Variants in ATP8A1 observed in about 807,000 individuals in gnomAD.
ATP8A1 encodes phospholipid-transporting ATPase IA.
ATP8A1 carries 90 observed loss-of-function variants against 177.7 expected under a neutral mutation model. The ratio of observed to expected loss-of-function variants is 0.51; its 90% CI spans 0.43 to 0.60. ATP8A1 has a LOEUF of 0.60. ATP8A1 is among the 20% of genes least tolerant of loss of function. The pLI is 0.00. For missense variants in ATP8A1, 1,072 were observed against 1,392.8 expected (o/e 0.77, Z 3.67); for synonymous variants, 493 against 485.9 (o/e 1.01, Z -0.19).
intron 15 of ATP8A1, among the ~76,000 whole-genome samples, chr4:42,557,405 T>C (rs1730352712): frequency 6.6e-6 from 1 of 152,218 alleles, no homozygotes; most frequent in Non-Finnish European, 1.5e-5. Context: ...TATTCATAAA[T>C]GGTTTGTAGC....
intron 1 of ATP8A1, among the ~76,000 whole-genome samples, chr4:42,633,681 G>A (rs752597284): frequency 1.3e-5 from 2 of 152,170 alleles, no homozygotes; most frequent in Non-Finnish European, 2.9e-5. Flanking sequence ...TACCTCAAAG[G>A]GTGGTTGTAA....
At chr4:42,446,729 G>A in intron 30 of ATP8A1, 85 bp from the exon 31 acceptor site, 1 of 1,311,280 alleles carries the variant, frequency 7.6e-7, no homozygotes, top group African/African-American at 1.5e-5. Context: ...TTTGAACGAA[G>A]GAAGGGAAAT....
At chr4:42,574,113 G>A (rs1366168482) in intron 14 of ATP8A1, among the ~76,000 whole-genome samples, 1 of 152,044 alleles carries the variant, frequency 6.6e-6, no homozygotes, top group Admixed American at 6.5e-5. Flanking sequence ...AGTTTCTGAT[G>A]ATATTAATTA....
At chr4:42,536,192 C>T (rs1435002200) in intron 20 of ATP8A1, among the ~76,000 whole-genome samples, 5 of 152,028 alleles carry the variant, frequency 3.3e-5, no homozygotes, top group Admixed American at 6.6e-5. Context: ...TAAATAACAT[C>T]GATAGACCAT....
intron 21 of ATP8A1, among the ~76,000 whole-genome samples, chr4:42,524,084 G>T (rs1296998997): frequency 6.6e-6 from 1 of 152,086 alleles, no homozygotes; most frequent in Non-Finnish European, 1.5e-5. Context: ...ACAAATTCTT[G>T]TAGTAACTGA....
At chr4:42,634,687 G>A (rs1204184853) in intron 1 of ATP8A1, among the ~76,000 whole-genome samples, 2 of 152,268 alleles carry the variant, frequency 1.3e-5, no homozygotes, top group Non-Finnish European at 2.9e-5. Flanking sequence ...AGTTTGTGGG[G>A]ATTACATGAA....
chr4:42,540,746 G>A (rs769544461), intron 20 of ATP8A1, among the ~76,000 whole-genome samples: 1 of 151,998 alleles, frequency 6.6e-6, no homozygotes, highest in Non-Finnish European at 1.5e-5. Flanking sequence ...ATCACATAGA[G>A]GTAGAAAGTA....
At chr4:42,642,047 C>G (rs1319866039) in intron 1 of ATP8A1, among the ~76,000 whole-genome samples, 2 of 152,012 alleles carry the variant, frequency 1.3e-5, no homozygotes, top group Admixed American at 6.6e-5. Context: ...AAACTAAAGT[C>G]TTCCTGCCCA....
intron 20 of ATP8A1, among the ~76,000 whole-genome samples, chr4:42,541,528 C>T (rs181657985): frequency 2.0e-5 from 3 of 152,254 alleles, no homozygotes; most frequent in Admixed American, 6.5e-5. Flanking sequence ...TGGTATTTAC[C>T]CAAATGAGAT....
chr4:42,555,028 T>C (rs13119526), intron 16 of ATP8A1, among the ~76,000 whole-genome samples: 53,543 of 151,818 alleles, frequency 0.35, 9,683 homozygotes, highest in Non-Finnish European at 0.4. Context: ...AGTGTGCAGA[T>C]GGCCTATTGT....
chr4:42,421,003 C>T (rs1008445188), intron 35 of ATP8A1, among the ~76,000 whole-genome samples: 3 of 152,062 alleles, frequency 2.0e-5, no homozygotes, highest in East Asian at 3.9e-4. Flanking sequence ...CTCCTGACCT[C>T]GTGATCTGCC....
intron 4 of ATP8A1, among the ~76,000 whole-genome samples, chr4:42,623,117 G>A (rs745735710): frequency 6.6e-6 from 1 of 151,316 alleles, no homozygotes; most frequent in Non-Finnish European, 1.5e-5. Flanking sequence ...CCAATTATTA[G>A]AGAAATGCAA....
intron 15 of ATP8A1, among the ~76,000 whole-genome samples, chr4:42,568,234 T>C (rs1731550641): frequency 6.6e-6 from 1 of 152,222 alleles, no homozygotes; most frequent in Admixed American, 6.5e-5. Context: ...TTGTGAGATT[T>C]ACTGAAAATT....
rs1001058555 is a variant in ATP8A1 at position 42,410,722 on chromosome 4, T to C, written c.*2194A>G. The C allele has an allele frequency of 3.3e-5, 5 of 152,226 alleles. No individual in the cohort carries two copies. The highest frequency in any genetic ancestry group is 1.2e-4 in the African/African-American group (5 of 41,452). 9.4% of individuals were successfully genotyped at this position (152,226 alleles called of 1,614,324 possible). ...TTATCAACCGTAAGTATTCTTCTCATGTTTAAGAGCTCCACAGAAACAATC... is the reference window on the plus strand; with the variant it reads ...TTATCAACCGTAAGTATTCTTCTCACGTTTAAGAGCTCCACAGAAACAATC... On this transcript the variant is annotated 3_prime_UTR_variant, in exon 37 of 37. Transcript: ENST00000381668.
chr4:42,504,066 C>T (rs934808919), intron 23 of ATP8A1, among the ~76,000 whole-genome samples: 6 of 152,106 alleles, frequency 3.9e-5, no homozygotes, highest in East Asian at 3.8e-4. Context: ...TTGCTACAGC[C>T]GACTGTGTCT....
rs1030130510 is a variant in ATP8A1, at chr4:42,580,933, T to C, written c.834+688A>G. On this transcript the variant is annotated intron_variant, in intron 10 of 36. Coordinates refer to ENST00000381668, the MANE Select transcript of ATP8A1 (RefSeq NM_006095.2). ...ATTTCTAAAAAATTTTATTAAAAGA[T>C]AGAAATTTAAAAAGTTGACTATTGC... is the stretch of plus-strand genomic sequence containing the variant. 2.6e-5 allele frequency among the ~76,000 whole-genome samples: 4 copies of C among 152,316 alleles called. 1 individual carries two copies. The highest frequency in any genetic ancestry group is 6.8e-3 in the Middle Eastern group (2 of 294).
intron 9 of ATP8A1, among the ~76,000 whole-genome samples, chr4:42,585,986 C>T (rs1036737498): frequency 1.3e-5 from 2 of 152,136 alleles, no homozygotes; most frequent in Admixed American, 6.5e-5. Context: ...GGACCCAGGC[C>T]ATGCAGATTG....
chr4:42,470,063 T>C lies in ATP8A1; in HGVS notation c.2325-4987A>G, dbSNP rs1021700720. ...GGTCTGCATCCAGGATTTAAATTATTCACAGTTATCTTCTGTTCCACCGTT... is the reference window on the plus strand; with the variant it reads ...GGTCTGCATCCAGGATTTAAATTATCCACAGTTATCTTCTGTTCCACCGTT... On this transcript the variant is annotated intron_variant, in intron 25 of 36. Coordinates refer to ENST00000381668, the MANE Select transcript of ATP8A1 (RefSeq NM_006095.2). Among the ~76,000 whole-genome samples the C allele has an allele frequency of 5.5e-4, 83 of 152,234 alleles. 1 individual carries two copies. The highest frequency in any genetic ancestry group is 5.4e-3 in the Admixed American group (82 of 15,292).
At chr4:42,594,320 T>C in intron 6 of ATP8A1, 1 of 1,604,916 alleles carries the variant, frequency 6.2e-7, no homozygotes. Context: ...TCAGCAGGTA[T>C]ATACTCTTTG....
Sources: gnomAD v4.1 joint callset for allele counts (sites outside exome capture counted in the v4.1 genomes callset) on GRCh38, gnomAD v4.1.1 for gene constraint, MANE v1.5 for transcripts, NCBI Gene and HGNC (gene_info 2026-07-23, HGNC 2026-07-21) for gene names.